Variants in ZMAT4 observed in about 807,000 individuals in gnomAD.
ZMAT4 encodes the protein zinc finger matrin-type protein 4.
Under a neutral mutation model 28.7 loss-of-function variants are expected in ZMAT4, and 17 were observed. That is an observed-to-expected ratio of 0.59 (90% CI 0.41 to 0.89). The LOEUF is 0.89. Ranked by LOEUF, ZMAT4 falls within the 40% of genes least tolerant of loss-of-function variation. The pLI, the probability that ZMAT4 is intolerant of heterozygous loss-of-function variation, is 0.00. For synonymous variants in ZMAT4, 117 were observed against 109.2 expected (o/e 1.07, Z -0.44); for missense variants, 240 against 283.8 (o/e 0.85, Z 1.11).
At chr8:40,670,784 G>C (rs1808631831) in intron 5 of ZMAT4, among the ~76,000 whole-genome samples, 1 of 151,972 alleles carries the variant, frequency 6.6e-6, no homozygotes, top group South Asian at 2.1e-4. Flanking sequence ...AAAAGTACTT[G>C]ACGGCAGGGT....
chr8:40,798,163 T>G (rs537049475), intron 2 of ZMAT4, among the ~76,000 whole-genome samples: 1 of 152,278 alleles, frequency 6.6e-6, no homozygotes, highest in East Asian at 1.9e-4. Context: ...TGCATCTCCT[T>G]GTGATCTAGG....
intron 5 of ZMAT4, among the ~76,000 whole-genome samples, chr8:40,609,868 C>A (rs761420272): frequency 1.2e-4 from 18 of 152,304 alleles, no homozygotes; most frequent in Middle Eastern, 3.4e-3. Context: ...TGAGCCCACA[C>A]AACCGCAGTG....
At chr8:40,701,497 C>T (rs974284166) in intron 3 of ZMAT4, among the ~76,000 whole-genome samples, 1 of 143,746 alleles carries the variant, frequency 7.0e-6, no homozygotes, top group African/African-American at 2.6e-5. Context: ...GGATACACAA[C>T]TATGCAGAAT....
chr8:40,757,035 C>T (rs142141510), intron 3 of ZMAT4, among the ~76,000 whole-genome samples: 132 of 152,266 alleles, frequency 8.7e-4, no homozygotes, highest in Admixed American at 1.7e-3. Context: ...CGCAGGGCAG[C>T]ACTTCAGTGT....
chr8:40,827,235 A>G (rs1816094430), intron 1 of ZMAT4, among the ~76,000 whole-genome samples: 1 of 152,242 alleles, frequency 6.6e-6, no homozygotes, highest in South Asian at 2.1e-4. Context: ...AAATTGAGAT[A>G]ATAATATTTA....
chr8:40,584,407 G>A (rs1804594766), intron 5 of ZMAT4, among the ~76,000 whole-genome samples: 1 of 152,098 alleles, frequency 6.6e-6, no homozygotes, highest in African/African-American at 2.4e-5. Context: ...AGCTGGAGGA[G>A]GGGACAATTA....
intron 3 of ZMAT4, among the ~76,000 whole-genome samples, chr8:40,746,730 C>A (rs1812253242): frequency 6.6e-6 from 1 of 152,156 alleles, no homozygotes; most frequent in Non-Finnish European, 1.5e-5. Flanking sequence ...GTCACTCCTT[C>A]CCTAAAAACC....
intron 2 of ZMAT4, among the ~76,000 whole-genome samples, chr8:40,821,771 T>C (rs1291074041): frequency 6.6e-6 from 1 of 152,226 alleles, no homozygotes. Flanking sequence ...TATAGAGTTA[T>C]GCTGCCAAAT....
At chr8:40,637,599 C>T (rs1360651987) in intron 5 of ZMAT4, among the ~76,000 whole-genome samples, 1 of 152,142 alleles carries the variant, frequency 6.6e-6, no homozygotes, top group Non-Finnish European at 1.5e-5. Context: ...AAAATAGTTA[C>T]TAGGTGGGTC....
At chr8:40,552,362 T>A (rs1803392397) in intron 6 of ZMAT4, among the ~76,000 whole-genome samples, 1 of 152,200 alleles carries the variant, frequency 6.6e-6, no homozygotes, top group African/African-American at 2.4e-5. Context: ...GTCATAAAGC[T>A]ATGCTCTGAG....
intron 3 of ZMAT4, 136 bp from the exon 4 acceptor site, chr8:40,697,537 T>A (rs1809946944): frequency 1.1e-6 from 1 of 893,242 alleles, no homozygotes; most frequent in African/African-American, 1.7e-5. Context: ...CTTTTTGCCT[T>A]GCTTTCTACT....
chr8:40,824,699 G>GA, intron 2 of ZMAT4, among the ~76,000 whole-genome samples: 1 of 128,638 alleles, frequency 7.8e-6, no homozygotes, highest in Non-Finnish European at 1.7e-5. Flanking sequence ...AATAAAGAAA[G>GA]AAAGAAAAGA....
intron 6 of ZMAT4, among the ~76,000 whole-genome samples, chr8:40,536,650 T>C (rs1039836969): frequency 6.6e-6 from 1 of 151,886 alleles, no homozygotes; most frequent in Non-Finnish European, 1.5e-5. Context: ...TGGAAACTCA[T>C]CCCCCACCTC....
rs534201434 is a variant in ZMAT4 at position 40,683,937 on chromosome 8, C to T, written c.350-9006G>A. On this transcript the variant is annotated intron_variant, in intron 4 of 6. Coordinates refer to ENST00000297737, the MANE Select transcript of ZMAT4 (RefSeq NM_024645.3). ...AAAATTAGATGGGCATGGTGGCACG[C>T]GCCTGTAGTCCCAGCCACACAGGGA... Among the ~76,000 whole-genome samples the T allele has an allele frequency of 2.2e-4, 33 of 151,954 alleles. No homozygotes were observed. The South Asian group carries it at 3.1e-3, about 14-fold the overall frequency.
rs75596847 is a variant in ZMAT4 at position 40,580,415 on chromosome 8, C to G, written c.674+750G>C. Among the ~76,000 whole-genome samples the G allele has an allele frequency of 8.1e-4, 123 of 152,262 alleles. 1 individual carries two copies. The highest frequency in any genetic ancestry group is 3.4e-3 in the Middle Eastern group (1 of 294). ...ATTCATAATTCATGAGGTCTTGATA[C>G]AGTCCAATATGTTAAATGATCCTCC... On this transcript the variant is annotated intron_variant, in intron 6 of 6. Coordinates refer to ENST00000297737, the MANE Select transcript of ZMAT4 (RefSeq NM_024645.3).
intron 1 of ZMAT4, among the ~76,000 whole-genome samples, chr8:40,854,665 C>G (rs1477218560): frequency 6.6e-6 from 1 of 152,108 alleles, no homozygotes; most frequent in Non-Finnish European, 1.5e-5. Flanking sequence ...TCCCAAAGAC[C>G]AAGGTCTCAG....
intron 5 of ZMAT4, among the ~76,000 whole-genome samples, chr8:40,637,171 C>A (rs1806824874): frequency 6.6e-6 from 1 of 151,784 alleles, no homozygotes; most frequent in African/African-American, 2.4e-5. Context: ...GTCTTGAAAC[C>A]ACATTTCTCA....
At chr8:40,759,420 T>TG (rs1812837184) in intron 3 of ZMAT4, among the ~76,000 whole-genome samples, 2 of 152,186 alleles carry the variant, frequency 1.3e-5, no homozygotes, top group South Asian at 4.1e-4. Context: ...GACTAGCTCA[T>TG]GGGAGTGGAG....
chr8:40,671,033 A>T (rs1585853653), intron 5 of ZMAT4, among the ~76,000 whole-genome samples: 1 of 150,096 alleles, frequency 6.7e-6, no homozygotes. Flanking sequence ...ATGCCACTGC[A>T]CTCCAGCCTG....
Sources: allele counts gnomAD v4.1 joint callset (sites outside exome capture counted in the v4.1 genomes callset), GRCh38; gene constraint gnomAD v4.1.1; transcripts MANE v1.5; gene names NCBI Gene and HGNC (gene_info 2026-07-23, HGNC 2026-07-21).